CBFA2T2: variants seen among roughly 807,000 people sequenced by gnomAD.
CBFA2T2 encodes the protein CBFA2/RUNX1 partner transcriptional co-repressor 2, also known as protein CBFA2T2.
In CBFA2T2, 11 loss-of-function variants were observed where a neutral mutation model predicts 62.2. The ratio of observed to expected loss-of-function variants is 0.18; its 90% CI spans 0.11 to 0.29. CBFA2T2 has a LOEUF of 0.29. Among genes scored for constraint, CBFA2T2 ranks in the 10% least tolerant of loss-of-function variants. The pLI is 1.00. For synonymous variants in CBFA2T2, 295 were observed against 287.5 expected (o/e 1.03, Z -0.27); for missense variants, 592 against 774.1 (o/e 0.76, Z 2.79).
chr20:33,615,983 G>A (rs573613012), intron 3 of CBFA2T2, among the ~76,000 whole-genome samples: 1 of 152,176 alleles, frequency 6.6e-6, no homozygotes, highest in South Asian at 2.1e-4. Flanking sequence ...AGTTGAGGCA[G>A]GAGGATCACT....
At chr20:33,616,839 A>G (rs1183974626) in intron 3 of CBFA2T2, among the ~76,000 whole-genome samples, 1 of 152,174 alleles carries the variant, frequency 6.6e-6, no homozygotes, top group Admixed American at 6.5e-5. Context: ...TTACCTCTCA[A>G]CGTTCTTCTC....
At chr20:33,616,706 G>A (rs1443584341) in intron 3 of CBFA2T2, among the ~76,000 whole-genome samples, 1 of 150,222 alleles carries the variant, frequency 6.7e-6, no homozygotes, top group Non-Finnish European at 1.5e-5. Context: ...CAGCATGGGT[G>A]ACAAAACAAG....
chr20:33,527,347 C>T (rs1190038628), intron 1 of CBFA2T2, among the ~76,000 whole-genome samples: 1 of 147,884 alleles, frequency 6.8e-6, no homozygotes, highest in African/African-American at 2.5e-5. Context: ...GATTACAGGG[C>T]TGTGCCACCA....
intron 1 of CBFA2T2, among the ~76,000 whole-genome samples, chr20:33,546,184 A>G (rs2012561561): frequency 6.6e-6 from 1 of 152,034 alleles, no homozygotes; most frequent in African/African-American, 2.4e-5. Context: ...TTTTTTCTTT[A>G]CTTTTTCCTG....
In CBFA2T2 at chr20:33,512,589, T is replaced by C. The variant is rs1251537222; in HGVS notation, c.34+22288T>C. Among the ~76,000 whole-genome samples, 4 of 152,324 alleles carry C rather than the reference T, an allele frequency of 2.6e-5. No individual in the cohort carries two copies. In the East Asian group the frequency reaches 5.8e-4, roughly 22 times the overall value. ...ATACATGATCTTGTGTTAGTAATAA[T>C]AGTCCATTCTCAAATTTCTGTCTAG... On this transcript the variant is annotated intron_variant, in intron 1 of 10. Coordinates refer to ENST00000342704, the MANE Select transcript of CBFA2T2 (RefSeq NM_001032999.3).
At chr20:33,517,730 C>G (rs1246457103) in intron 1 of CBFA2T2, among the ~76,000 whole-genome samples, 1 of 150,920 alleles carries the variant, frequency 6.6e-6, no homozygotes, top group African/African-American at 2.4e-5. Flanking sequence ...CTTGCAACCT[C>G]CGCCTCCCGG....
intron 1 of CBFA2T2, among the ~76,000 whole-genome samples, chr20:33,545,711 ATG>A (rs1298852642): frequency 6.6e-6 from 1 of 152,150 alleles, no homozygotes; most frequent in Non-Finnish European, 1.5e-5. Flanking sequence ...GCCTCCCAAA[ATG>A]CTGGGATTAC....
chr20:33,576,008 C>T (rs537416519), intron 1 of CBFA2T2, among the ~76,000 whole-genome samples: 15 of 151,764 alleles, frequency 9.9e-5, no homozygotes, highest in Non-Finnish European at 1.8e-4. Context: ...AGGATGGCCT[C>T]GATCTCCTGA....
intron 1 of CBFA2T2, among the ~76,000 whole-genome samples, chr20:33,574,452 C>T (rs772157560): frequency 1.2e-4 from 19 of 152,106 alleles, no homozygotes; most frequent in Non-Finnish European, 2.8e-4. Flanking sequence ...ATGGAGAAAC[C>T]CCGTCTCTAC....
chr20:33,558,308 T>A (rs530474450), intron 1 of CBFA2T2, among the ~76,000 whole-genome samples: 1 of 152,112 alleles, frequency 6.6e-6, no homozygotes, highest in South Asian at 2.1e-4. Context: ...ATTTTTGTGG[T>A]TTTAGTAGAG....
At chr20:33,496,829 C>T (rs1245657159) in intron 1 of CBFA2T2, among the ~76,000 whole-genome samples, 1 of 152,144 alleles carries the variant, frequency 6.6e-6, no homozygotes, top group Non-Finnish European at 1.5e-5. Context: ...TCACCCTATC[C>T]TGTGCCCTGG....
chr20:33,641,535 T>A (rs1203057369), intron 10 of CBFA2T2, among the ~76,000 whole-genome samples: 1 of 152,248 alleles, frequency 6.6e-6, no homozygotes, highest in Non-Finnish European at 1.5e-5. Flanking sequence ...GAAACCAGTT[T>A]CTTTCTGTAA....
At position 33,644,536 on chromosome 20, in the gene CBFA2T2, A is replaced by G; in HGVS notation, c.1678A>G (p.Arg560Gly). Residue 560 changes from arginine to glycine, a missense_variant, in exon 11 of 11, where the codon AGG becomes GGG. Around this residue, in one of 3 missense-constraint regions of CBFA2T2, gnomAD observed 85 missense variants for 99.0 expected, o/e 0.86. Coordinates refer to ENST00000342704, the MANE Select transcript of CBFA2T2 (RefSeq NM_001032999.3). ...LLPVGRGSSARSADCSVPSPA... is the reference protein window; with the variant it reads ...LLPVGRGSSAGSADCSVPSPA... Reference sequence around the variant, plus strand: ...TCCTGTAGGCAGGGGCTCCTCTGCCAGGTCCGCCGACTGCAGCGTGCCCAG... The same window carrying G: ...TCCTGTAGGCAGGGGCTCCTCTGCCGGGTCCGCCGACTGCAGCGTGCCCAG... 1 of 1,614,008 alleles carries G rather than the reference A, an allele frequency of 6.2e-7. No homozygotes were observed. Among genetic ancestry groups the G allele is most frequent in the Non-Finnish European group, 8.5e-7 (1 of 1,179,982 alleles).
chr20:33,519,300 T>C (rs1404479900), intron 1 of CBFA2T2, among the ~76,000 whole-genome samples: 1 of 151,882 alleles, frequency 6.6e-6, no homozygotes, highest in Non-Finnish European at 1.5e-5. Flanking sequence ...TGAAGCCCCA[T>C]TTCTACTAAA....
In CBFA2T2 at chr20:33,640,404, C is replaced by T; in HGVS notation, c.1361C>T (p.Ala454Val). 6.2e-7 allele frequency: 1 copy of T among 1,614,244 alleles called. No individual in the cohort carries two copies. Among genetic ancestry groups the T allele is most frequent in the Non-Finnish European group, 8.5e-7 (1 of 1,180,050 alleles). Residue 454 changes from alanine (A) to valine (V), a missense_variant, in exon 10 of 11, where the codon GCA becomes GTA. Ala to Val is a moderately conservative substitution (Grantham distance 64). Coordinates refer to ENST00000342704, the MANE Select transcript of CBFA2T2 (RefSeq NM_001032999.3). ...MSEVQKAVAEAEQKAFEVIAT... is the reference protein window; with the variant it reads ...MSEVQKAVAEVEQKAFEVIAT... ...GAAGTACAGAAGGCCGTCGCTGAGG[C>T]AGAGCAGAAAGCCTTTGAAGTGATT... is the stretch of plus-strand genomic sequence containing the variant.
intron 5 of CBFA2T2, 41 bp downstream of exon 5, chr20:33,623,337 G>C (rs17124834): frequency 2.1e-5 from 34 of 1,599,056 alleles, no homozygotes; most frequent in Non-Finnish European, 2.6e-5. Flanking sequence ...TCCTGGAACC[G>C]CACTGGTCCT....
At chr20:33,591,657 A>G in intron 1 of CBFA2T2, among the ~76,000 whole-genome samples, 1 of 152,170 alleles carries the variant, frequency 6.6e-6, no homozygotes, top group Non-Finnish European at 1.5e-5. Context: ...TTCATTGGAC[A>G]AACTTATTTT....
At chr20:33,617,153 G>T (rs1363831969) in intron 3 of CBFA2T2, among the ~76,000 whole-genome samples, 1 of 152,104 alleles carries the variant, frequency 6.6e-6, no homozygotes, top group Non-Finnish European at 1.5e-5. Context: ...GGCGGATCAC[G>T]AGGTCAGGAG....
intron 1 of CBFA2T2, among the ~76,000 whole-genome samples, chr20:33,564,303 G>T (rs1046331153): frequency 6.9e-6 from 1 of 145,966 alleles, no homozygotes; most frequent in East Asian, 2.0e-4. Flanking sequence ...TCACTCTGTC[G>T]CGCAGGTGGA....
Sources: allele counts gnomAD v4.1 joint callset (sites outside exome capture counted in the v4.1 genomes callset), GRCh38; gene constraint gnomAD v4.1.1; regional missense constraint gnomAD v4.1.1; transcripts MANE v1.5; gene names NCBI Gene and HGNC (gene_info 2026-07-23, HGNC 2026-07-21).